ERG: variants seen among roughly 807,000 people sequenced by gnomAD.
The protein encoded by ERG is ETS transcription factor ERG, also known as transcriptional regulator ERG.
In ERG, 9 loss-of-function variants were observed where a neutral mutation model predicts 55.3. That is an observed-to-expected ratio of 0.16 (90% CI 0.10 to 0.28). The LOEUF (loss-of-function observed/expected upper bound fraction) is 0.28. ERG is among the 10% of genes least tolerant of loss of function. The pLI is 1.00. For missense variants in ERG, 434 were observed against 631.6 expected (o/e 0.69, Z 3.35); for synonymous variants, 223 against 237.3 (o/e 0.94, Z 0.55).
chr21:38,618,242 G>A (rs2060270198), intron 1 of ERG, among the ~76,000 whole-genome samples: 1 of 152,184 alleles, frequency 6.6e-6, no homozygotes, highest in Non-Finnish European at 1.5e-5. Flanking sequence ...ACTGAGTGGT[G>A]AAAACAGCCT....
chr21:38,658,948 C>T lies in ERG; in HGVS notation c.-150+2710G>A, dbSNP rs115389376. 4.7e-3 allele frequency among the ~76,000 whole-genome samples: 723 copies of T among 152,216 alleles called. 6 individuals carry two copies. The highest frequency in any genetic ancestry group is 0.017 in the African/African-American group (696 of 41,514). Reference sequence around the variant, plus strand: ...AAATTTTAGCTAAAGATTAAATCACCAATAATTCCTCATGAAATAACAGAT... The same window carrying T: ...AAATTTTAGCTAAAGATTAAATCACTAATAATTCCTCATGAAATAACAGAT... On this transcript the variant is annotated intron_variant, in intron 1 of 10. Coordinates refer to the ERG transcript ENST00000398910.
At chr21:38,423,084 A>AGTGTGTGTGTGTGTGTGT (rs71184624) in intron 3 of ERG, among the ~76,000 whole-genome samples, 4 of 144,324 alleles carry the variant, frequency 2.8e-5, no homozygotes, top group African/African-American at 1.0e-4. Context: ...CTCCATACGT[A>AGTGTGTGTGTGTGTGTGT]GTGTGTGTGT....
At chr21:38,479,016 G>A (rs1051576867) in intron 1 of ERG, among the ~76,000 whole-genome samples, 2 of 152,162 alleles carry the variant, frequency 1.3e-5, no homozygotes, top group African/African-American at 4.8e-5. Context: ...GTAAAATGAT[G>A]AGATAAGGAA....
chr21:38,552,101 CTTT>C (rs1398724327), intron 2 of ERG, among the ~76,000 whole-genome samples: 1 of 152,098 alleles, frequency 6.6e-6, no homozygotes, highest in Non-Finnish European at 1.5e-5. Flanking sequence ...TAATGCCCTT[CTTT>C]GTCTTTTTTG....
intron 1 of ERG, among the ~76,000 whole-genome samples, chr21:38,635,359 C>T (rs1415842101): frequency 6.6e-6 from 1 of 151,958 alleles, no homozygotes; most frequent in Admixed American, 6.6e-5. Flanking sequence ...CTAATGTAAA[C>T]TATAGACTTT....
At position 38,380,081 on chromosome 21, in the gene ERG, CACG is replaced by C. The variant is rs1453506979; in HGVS notation, c.*3319_*3321del. 7 of 1,019,684 alleles carry C rather than the reference CACG, an allele frequency of 6.9e-6. No homozygotes were observed. The African/African-American group carries it at 1.2e-4, about 17-fold the overall frequency. The allele number at this position is 1,019,684 out of a possible 1,614,324, so 63.2% of individuals were successfully genotyped here. ...ATTTTTATTCTCTAATTAGTCACCT[CACG>C]ACTTTATTTGAATGAATTAATGAGA... On this transcript the variant is annotated 3_prime_UTR_variant, in exon 10 of 10. Coordinates refer to ENST00000288319, the MANE Select transcript of ERG (RefSeq NM_182918.4).
intron 6 of ERG, among the ~76,000 whole-genome samples, chr21:38,394,242 G>C (rs767098123): frequency 5.3e-5 from 8 of 152,144 alleles, no homozygotes; most frequent in Non-Finnish European, 1.2e-4. Flanking sequence ...CTAGATCTCT[G>C]TTTCTCAAAG....
chr21:38,492,856 C>T (rs2059348078), intron 1 of ERG, among the ~76,000 whole-genome samples: 3 of 151,984 alleles, frequency 2.0e-5, no homozygotes, highest in Admixed American at 2.0e-4. Context: ...GGACCACTAG[C>T]CAAAATGGGT....
Position 38,657,457 on chromosome 21 carries a change from A to C in ERG, c.-150+4201T>G, listed in dbSNP as rs372300049. ...TTGGTTTTGTCTACATTTTACTTAT[A>C]CTTAAATTTAGCAAAGTAATTTTAG... On this transcript the variant is annotated intron_variant, in intron 1 of 10. Coordinates refer to the ERG transcript ENST00000398910. Among the ~76,000 whole-genome samples the C allele has an allele frequency of 7.3e-4, 111 of 152,200 alleles. 1 individual carries two copies. Among genetic ancestry groups the C allele is most frequent in the Non-Finnish European group, 1.3e-3 (91 of 68,042 alleles).
At position 38,630,444 on chromosome 21, in the gene ERG, C is replaced by T. The variant is rs550084908; in HGVS notation, c.-150+31214G>A. ...GCTCCAACTCCAGTCATCATCTCAGCCATGCAACAGGGAGGTGGGAGGAGG... is the reference window on the plus strand; with the variant it reads ...GCTCCAACTCCAGTCATCATCTCAGTCATGCAACAGGGAGGTGGGAGGAGG... On this transcript the variant is annotated intron_variant, in intron 1 of 10. Coordinates refer to the ERG transcript ENST00000398910. Among the ~76,000 whole-genome samples the T allele has an allele frequency of 2.0e-5, 3 of 152,180 alleles. No individual in the cohort carries two copies. In the East Asian group the frequency reaches 5.8e-4, roughly 30 times the overall value.
At chr21:38,578,841 G>C (rs1248927549) in intron 1 of ERG, among the ~76,000 whole-genome samples, 1 of 152,166 alleles carries the variant, frequency 6.6e-6, no homozygotes, top group Non-Finnish European at 1.5e-5. Flanking sequence ...CAGCATTTTT[G>C]TGACAATAGA....
chr21:38,565,062 G>A (rs1382812877), intron 2 of ERG, among the ~76,000 whole-genome samples: 1 of 152,156 alleles, frequency 6.6e-6, no homozygotes, highest in Non-Finnish European at 1.5e-5. Context: ...TTTTAGAGTA[G>A]GTGGCACCAT....
chr21:38,395,604 T>A (rs1408174813), intron 6 of ERG: 3 of 183,112 alleles, frequency 1.6e-5, no homozygotes, highest in African/African-American at 7.1e-5. Context: ...CTGAGCTTTA[T>A]AGAAGTCATT....
chr21:38,429,689 G>A lies in ERG; in HGVS notation c.237-6128C>T, dbSNP rs1990104546. 4.1e-5 allele frequency among the ~76,000 whole-genome samples: 6 copies of A among 147,418 alleles called. 1 individual carries two copies. The highest frequency in any genetic ancestry group is 1.5e-4 in the African/African-American group (6 of 39,846). On this transcript the variant is annotated intron_variant, in intron 2 of 9. Transcript: ENST00000288319. ...TATATGTGTATATATGTATATATGTGTGTATACATGTATATGTGTGTGCAT... is the reference window on the plus strand; with the variant it reads ...TATATGTGTATATATGTATATATGTATGTATACATGTATATGTGTGTGCAT...
chr21:38,466,527 G>A (rs930629800), intron 1 of ERG, among the ~76,000 whole-genome samples: 3 of 152,036 alleles, frequency 2.0e-5, no homozygotes, highest in Non-Finnish European at 2.9e-5. Context: ...ATGGCCTCTC[G>A]TGGGCTCATG....
At chr21:38,579,785 C>A (rs996738892) in intron 1 of ERG, among the ~76,000 whole-genome samples, 6 of 151,926 alleles carry the variant, frequency 3.9e-5, no homozygotes, top group Non-Finnish European at 8.8e-5. Flanking sequence ...AAAGCTCAAC[C>A]ACCCTCCCCT....
At chr21:38,376,292 G>A (rs750541535), downstream of ERG, among the ~76,000 whole-genome samples, 2 of 152,166 alleles carry the variant, frequency 1.3e-5, no homozygotes, top group African/African-American at 2.4e-5. Context: ...TGGAATTGTC[G>A]GATGTGAATC....
Position 38,640,368 on chromosome 21 carries a change from T to A in ERG, c.-150+21290A>T, listed in dbSNP as rs138442828. Among the ~76,000 whole-genome samples, 496 of 152,298 alleles carry A rather than the reference T, an allele frequency of 3.3e-3. 1 individual carries two copies. Among genetic ancestry groups the A allele is most frequent in the Non-Finnish European group, 3.9e-3 (262 of 68,026 alleles). On this transcript the variant is annotated intron_variant, in intron 1 of 10. Transcript: ENST00000398910. ...GGAGATGGGGGAAGGGGGCATGAGC[T>A]AAATTCTCATCTACCTTAGGAGAAA...
Position 38,571,880 on chromosome 21 carries a change from C to T in ERG, c.-41+3782G>A, listed in dbSNP as rs111985523. 6.3e-3 allele frequency among the ~76,000 whole-genome samples: 966 copies of T among 152,250 alleles called. 9 individuals are homozygous for T. The highest frequency in any genetic ancestry group is 7.2e-3 in the Non-Finnish European group (487 of 68,006). ...TGTTCCTCTCCTCCAGGACAGCCTA[C>T]GGACAGGACTGTGATGACACAGAGT... On this transcript the variant is annotated intron_variant, in intron 2 of 8. Transcript: ENST00000398897.
Sources: allele counts gnomAD v4.1 joint callset (sites outside exome capture counted in the v4.1 genomes callset), GRCh38; gene constraint gnomAD v4.1.1; transcripts MANE v1.5; gene names NCBI Gene and HGNC (gene_info 2026-07-23, HGNC 2026-07-21).